The following POMGNT1 variants were observed in gnomAD, a reference collection of about 807,000 sequenced individuals.
POMGNT1 encodes protein O-linked mannose N-acetylglucosaminyltransferase 1 (beta 1,2-).
Under a neutral mutation model 95.6 loss-of-function variants are expected in POMGNT1, and 67 were observed. The ratio of observed to expected loss-of-function variants is 0.70; its 90% CI spans 0.58 to 0.86. The LOEUF is 0.86. Among genes scored for constraint, POMGNT1 ranks in the 40% least tolerant of loss-of-function variants. The pLI is 0.00. For missense variants in POMGNT1, 719 were observed against 855.2 expected (o/e 0.84, Z 1.99); for synonymous variants, 298 against 317.9 (o/e 0.94, Z 0.66).
Position 46,189,467 on chromosome 1 carries a change from G to C in POMGNT1, c.1886C>G (p.Ser629Cys). ...GAAAAGGGTCACTCACGAGTAGGGG[G>C]AAGCCGGGACCCCCACCATCAGGAA... ...NHFLMVGVPA[S>C]PYSVKKPPSV... is the part of the protein sequence containing the mutation. Residue 629 changes from serine to cysteine, a missense_variant, in exon 21 of 22, where the codon TCC becomes TGC. Physicochemically the swap from Ser to Cys is moderately radical, Grantham distance 112 (BLOSUM62 -1). Coordinates refer to ENST00000371984, the MANE Select transcript of POMGNT1 (RefSeq NM_017739.4). 1 of 1,613,712 alleles carries C rather than the reference G, an allele frequency of 6.2e-7. No individual in the cohort carries two copies. The highest frequency in any genetic ancestry group is 1.7e-5 in the Admixed American group (1 of 59,944).
Position 46,198,364 on chromosome 1 carries a change from C to A in POMGNT1, c.-79G>T, listed in dbSNP as rs1658400762. On this transcript the variant is annotated 5_prime_UTR_variant, in exon 1 of 22. Coordinates refer to ENST00000371984, the MANE Select transcript of POMGNT1 (RefSeq NM_017739.4). Reference sequence around the variant, plus strand: ...TTAGGGGCCCCGGGCCCCGCTCGGGCCCCGCTAGGGCCCTCACTGCTCGGC... The same window carrying A: ...TTAGGGGCCCCGGGCCCCGCTCGGGACCCGCTAGGGCCCTCACTGCTCGGC... The A allele has an allele frequency of 6.5e-6, 1 of 152,986 alleles. No individual in the cohort carries two copies. The highest frequency in any genetic ancestry group is 1.5e-5 in the Non-Finnish European group (1 of 68,168). 9.5% of individuals were successfully genotyped at this position (152,986 alleles called of 1,614,324 possible).
chr1:46,190,691 C>T lies in POMGNT1; in HGVS notation c.1604+29G>A, dbSNP rs1657696484. On this transcript the variant is annotated intron_variant, in intron 18 of 21. Coordinates refer to ENST00000371984, the MANE Select transcript of POMGNT1 (RefSeq NM_017739.4). Reference sequence around the variant, plus strand: ...ACTGGCCTCCAAATCTCCTAGATATCCACCCCTTGCCCTGCTGCCAGCCCC... The same window carrying T: ...ACTGGCCTCCAAATCTCCTAGATATTCACCCCTTGCCCTGCTGCCAGCCCC... 5 of 1,595,438 alleles carry T rather than the reference C, an allele frequency of 3.1e-6. No individual in the cohort carries two copies. The highest frequency in any genetic ancestry group is 2.7e-5 in the African/African-American group (2 of 74,576).
chr1:46,219,755 G>C, exon 1 of POMGNT1: 4 of 1,612,866 alleles, frequency 2.5e-6, no homozygotes, highest in Non-Finnish European at 3.4e-6. Context: ...CCTTGAATGA[G>C]GGCATCGAGG....
chr1:46,189,937 G>A lies in POMGNT1; in HGVS notation c.1702C>T (p.Pro568Ser). The change falls in exon 20 of 22, where the codon CCA becomes TCA. Residue 568 changes from proline to serine, a missense_variant. Coordinates refer to ENST00000371984, the MANE Select transcript of POMGNT1 (RefSeq NM_017739.4). ...SKNPCEDSFL[P>S]DTEGHTYVAF... ...ACGTAGGTGTGGCCCTCTGTGTCTG[G>A]CAGGAAAGAGTCTTCACAAGGGTTC... is the stretch of plus-strand genomic sequence containing the variant. 1.2e-6 allele frequency: 2 copies of A among 1,614,074 alleles called. No homozygotes were observed. Among genetic ancestry groups the A allele is most frequent in the South Asian group, 1.1e-5 (1 of 91,042 alleles).
chr1:46,189,649 C>G, intron 20 of POMGNT1, 82 bp from the exon 21 acceptor site: 1 of 1,557,504 alleles, frequency 6.4e-7, no homozygotes, highest in Non-Finnish European at 8.7e-7. Flanking sequence ...GCCCAGCCCC[C>G]ACCCCTCCTC....
At position 46,189,092 on chromosome 1, in the gene POMGNT1, C is replaced by T. The variant is rs1270532943; in HGVS notation, c.*178G>A. The T allele has an allele frequency of 6.6e-7, 1 of 1,505,148 alleles. No homozygotes were observed. The highest frequency in any genetic ancestry group is 8.8e-7 in the Non-Finnish European group (1 of 1,132,038). The allele number at this position is 1,505,148 out of a possible 1,614,324, so 93.2% of individuals were successfully genotyped here. On this transcript the variant is annotated 3_prime_UTR_variant, in exon 22 of 22. Transcript: ENST00000371984. ...GAAGTAAATAAATAGACTTTTAACT[C>T]AGGAACGGGGTGTTGGAGCAGGGGA...
chr1:46,202,916 G>T (rs867178252), upstream of POMGNT1, among the ~76,000 whole-genome samples: 1 of 95,748 alleles, frequency 1.0e-5, no homozygotes, highest in Non-Finnish European at 2.1e-5. Context: ...TGGGGGGGGG[G>T]GGTGGTGTGT....
chr1:46,197,729 G>C lies in POMGNT1; in HGVS notation c.93C>G (p.Asn31Lys). ...GACAGAATCTCCGCAGGGCCCGCTG[G>C]TTTGTCAGTTTATACTTCCAGGTAA... Reference protein sequence around the residue: ...WYLTWKYKLTNQRALRRFCQT... With the variant: ...WYLTWKYKLTKQRALRRFCQT... The change falls in exon 2 of 22, where the codon AAC becomes AAG. Residue 31 changes from asparagine to lysine, a missense_variant. By Grantham distance (94) the Asn-to-Lys change is moderately conservative. Transcript: ENST00000371984. The C allele has an allele frequency of 1.2e-6, 2 of 1,614,108 alleles. No individual in the cohort carries two copies. Among genetic ancestry groups the C allele is most frequent in the Non-Finnish European group, 1.7e-6 (2 of 1,179,984 alleles).
intron 1 of POMGNT1, chr1:46,203,547 G>A (rs909021290): frequency 6.4e-7 from 1 of 1,568,308 alleles, no homozygotes; most frequent in Non-Finnish European, 8.6e-7. Context: ...GGGAACCTCT[G>A]GCGCCCTGCT....
intron 17 of POMGNT1, 156 bp downstream of exon 17, chr1:46,191,942 T>C (rs188493338): frequency 1.6e-6 from 2 of 1,277,272 alleles, no homozygotes; most frequent in African/African-American, 3.0e-5. Flanking sequence ...CCCTTTATCC[T>C]CATTTTTCAG....
intron 5 of POMGNT1, 34 bp downstream of exon 5, chr1:46,195,978 C>T (rs776951275): frequency 1.2e-6 from 2 of 1,614,004 alleles, no homozygotes; most frequent in African/African-American, 1.3e-5. Context: ...AGCCCAGCTC[C>T]AGCCCTCTGG....
intron 1 of POMGNT1, among the ~76,000 whole-genome samples, chr1:46,216,798 C>T (rs1409958141): frequency 6.6e-6 from 1 of 152,180 alleles, no homozygotes; most frequent in Admixed American, 6.5e-5. Context: ...CCACCTCTCT[C>T]CCTCCTCCAA....
chr1:46,205,869 C>T (rs1243737190), intron 1 of POMGNT1, among the ~76,000 whole-genome samples: 1 of 152,236 alleles, frequency 6.6e-6, no homozygotes, highest in Non-Finnish European at 1.5e-5. Context: ...TGCCTTCGGG[C>T]TACTGAAGGC....
rs765581970 is a variant in POMGNT1 at position 46,193,648 on chromosome 1, C to G, written c.951-9G>C. 6.2e-7 allele frequency: 1 copy of G among 1,614,016 alleles called. No individual in the cohort carries two copies. Among genetic ancestry groups the G allele is most frequent in the African/African-American group, 1.3e-5 (1 of 74,938 alleles). ...GCAGAGAGCGCAGCATCCTGGGGAG[C>G]CCAGGGATAGGTTAGGGTCACTTCA... On this transcript the variant is annotated splice_polypyrimidine_tract_variant and intron_variant, in intron 10 of 21. Coordinates refer to ENST00000371984, the MANE Select transcript of POMGNT1 (RefSeq NM_017739.4).
chr1:46,189,362 G>A lies in POMGNT1; in HGVS notation c.1896-5C>T, dbSNP rs1392732237. 1 of 1,613,982 alleles carries A rather than the reference G, an allele frequency of 6.2e-7. No homozygotes were observed. The highest frequency in any genetic ancestry group is 8.5e-7 in the Non-Finnish European group (1 of 1,180,024). ...ACTGAGGGTGGCTTCTTCACTCTGG[G>A]AAAATAATACAAGAATGTATAGAGA... On this transcript the variant is annotated splice_region_variant and splice_polypyrimidine_tract_variant and intron_variant, in intron 21 of 21. Coordinates refer to ENST00000371984, the MANE Select transcript of POMGNT1 (RefSeq NM_017739.4).
At position 46,195,707 on chromosome 1, in the gene POMGNT1, T is replaced by C. The variant is rs1658174948; in HGVS notation, c.534+104A>G. On this transcript the variant is annotated intron_variant, in intron 6 of 21. Coordinates refer to ENST00000371984, the MANE Select transcript of POMGNT1 (RefSeq NM_017739.4). ...AGATTGGAACCTGAGTAACCTTCCT[T>C]CAGAGAATCTTCCCACTATGTTATA... 13 of 1,068,554 alleles carry C rather than the reference T, an allele frequency of 1.2e-5. 1 individual carries two copies. In the South Asian group the frequency reaches 1.6e-4, roughly 13 times the overall value. The allele number at this position is 1,068,554 out of a possible 1,614,324, so 66.2% of individuals were successfully genotyped here.
chr1:46,203,855 G>A (rs1009764153), intron 1 of POMGNT1, among the ~76,000 whole-genome samples: 1 of 152,102 alleles, frequency 6.6e-6, no homozygotes, highest in Admixed American at 6.5e-5. Context: ...CTTGGGTTGG[G>A]AGCAGTGGGT....
intron 17 of POMGNT1, 86 bp downstream of exon 17, chr1:46,192,012 T>C (rs764086768): frequency 3.3e-6 from 5 of 1,496,532 alleles, no homozygotes; most frequent in Admixed American, 3.7e-5. Flanking sequence ...GGCTAGCAAG[T>C]AGCAGAGCTA....
chr1:46,216,317 A>G (rs1401121669), intron 1 of POMGNT1, among the ~76,000 whole-genome samples: 1 of 151,886 alleles, frequency 6.6e-6, no homozygotes, highest in African/African-American at 2.4e-5. Context: ...AAGTGCTGGG[A>G]TTACAGGCAT....
Sources: allele counts gnomAD v4.1 joint callset (sites outside exome capture counted in the v4.1 genomes callset), GRCh38; gene constraint gnomAD v4.1.1; transcripts MANE v1.5; gene names NCBI Gene and HGNC (gene_info 2026-07-23, HGNC 2026-07-21).